Variants in ARHGAP18 observed in about 807,000 individuals in gnomAD.
The protein encoded by ARHGAP18 is Rho GTPase activating protein 18.
ARHGAP18 carries 67 observed loss-of-function variants against 86.2 expected under a neutral mutation model. The ratio of observed to expected loss-of-function variants is 0.78; its 90% CI spans 0.64 to 0.95. The LOEUF (loss-of-function observed/expected upper bound fraction) is 0.95, where lower values mean the gene tolerates loss of function less well. ARHGAP18 is among the 40% of genes least tolerant of loss of function. The probability of loss-of-function intolerance (pLI) is 0.00; values close to 1 mark genes in which losing one functional copy is unlikely to be tolerated. For missense variants in ARHGAP18, 691 were observed against 780.4 expected (o/e 0.89, Z 1.37); for synonymous variants, 283 against 280.4 (o/e 1.01, Z -0.09).
rs1014248166 is a variant in ARHGAP18, at chr6:129,659,445, G to T, written c.114-17427C>A. On this transcript the variant is annotated intron_variant, in intron 1 of 14. Transcript: ENST00000368149. ...CGCAGGTGTACTTCAGACAAGATAGGCCTAGAATTTTTTTTATTTTATTTT... is the reference window on the plus strand; with the variant it reads ...CGCAGGTGTACTTCAGACAAGATAGTCCTAGAATTTTTTTTATTTTATTTT... Among the ~76,000 whole-genome samples the T allele has an allele frequency of 5.4e-5, 8 of 149,262 alleles. No homozygotes were observed. The Admixed American group carries it at 5.4e-4, about 10-fold the overall frequency.
chr6:129,611,357 GC>G (rs1291925574), intron 8 of ARHGAP18, among the ~76,000 whole-genome samples, 175 bp downstream of exon 8: 1 of 152,096 alleles, frequency 6.6e-6, no homozygotes, highest in Non-Finnish European at 1.5e-5. Context: ...AAAAAACTTA[GC>G]AAAAACCAGA....
intron 1 of ARHGAP18, among the ~76,000 whole-genome samples, chr6:129,644,979 T>C (rs1392263036): frequency 2.0e-5 from 3 of 152,210 alleles, no homozygotes; most frequent in African/African-American, 4.8e-5. Context: ...TACTGAGTCA[T>C]GGAAAAGAGG....
Position 129,629,348 on chromosome 6 carries a change from C to T in ARHGAP18, c.786+5G>A, listed in dbSNP as rs868187679. 1.1e-5 allele frequency: 17 copies of T among 1,611,430 alleles called. No individual in the cohort carries two copies. Among genetic ancestry groups the T allele is most frequent in the Admixed American group, 1.7e-5 (1 of 59,812 alleles). The stretch of plus-strand genomic sequence containing the variant: ...ATGTATATTTATAAAGAGTGTACTA[C>T]GTACAGGTAATGTGGCATCATCGCC... On this transcript the variant is annotated splice_donor_5th_base_variant and intron_variant, in intron 5 of 14. Transcript: ENST00000368149.
At chr6:129,623,083 T>C (rs1789267141) in intron 5 of ARHGAP18, among the ~76,000 whole-genome samples, 1 of 151,094 alleles carries the variant, frequency 6.6e-6, no homozygotes, top group Admixed American at 6.6e-5. Context: ...TTGATTCCCT[T>C]GTGTTACCAT....
rs755626500 is a variant in ARHGAP18, at chr6:129,599,215, C to T, written c.1713+1G>A. 1 of 1,538,474 alleles carries T rather than the reference C, an allele frequency of 6.5e-7. No individual in the cohort carries two copies. ...AATACATATCTCCACTATTTTCTTA[C>T]ATCATTTGTACTCTTATCTTGCTTT... On this transcript the variant is annotated splice_donor_variant, in intron 12 of 14. Transcript: ENST00000368149. LOFTEE classifies it high-confidence loss of function.
chr6:129,628,727 T>C (rs1773098259), intron 5 of ARHGAP18, among the ~76,000 whole-genome samples: 1 of 152,076 alleles, frequency 6.6e-6, no homozygotes. Context: ...TTTGATAATA[T>C]TGAAGAAAAG....
At chr6:129,607,729 A>G (rs1281371970) in intron 9 of ARHGAP18, among the ~76,000 whole-genome samples, 164 bp downstream of exon 9, 1 of 152,184 alleles carries the variant, frequency 6.6e-6, no homozygotes, top group African/African-American at 2.4e-5. Flanking sequence ...TTATAAGAAA[A>G]ACAGAAAACA....
chr6:129,685,750 CT>C (rs34040911), intron 1 of ARHGAP18, among the ~76,000 whole-genome samples: 28,390 of 149,782 alleles, frequency 0.19, 2,850 homozygotes, highest in South Asian at 0.31. Context: ...TACAAGGCAG[CT>C]TTTTTTTTTC....
chr6:129,660,299 A>G (rs1359235299), intron 1 of ARHGAP18, among the ~76,000 whole-genome samples: 1 of 152,248 alleles, frequency 6.6e-6, no homozygotes, highest in Non-Finnish European at 1.5e-5. Flanking sequence ...CTGAGCGATG[A>G]TAAGGTCCTG....
chr6:129,585,947 C>G (rs937170933), intron 12 of ARHGAP18, among the ~76,000 whole-genome samples: 2 of 152,192 alleles, frequency 1.3e-5, no homozygotes, highest in Non-Finnish European at 2.9e-5. Flanking sequence ...CAGTCTATGA[C>G]CTTGACCTCA....
intron 1 of ARHGAP18, among the ~76,000 whole-genome samples, chr6:129,665,018 G>A (rs2114522262): frequency 6.6e-6 from 1 of 152,240 alleles, no homozygotes; most frequent in Middle Eastern, 3.4e-3. Context: ...TTGAAAATTT[G>A]ATGATGTGAG....
intron 5 of ARHGAP18, among the ~76,000 whole-genome samples, chr6:129,626,308 T>G (rs1414032857): frequency 4.0e-5 from 6 of 151,706 alleles, no homozygotes; most frequent in African/African-American, 1.5e-4. Context: ...AAACTGTGCA[T>G]AGTGAGCTAC....
chr6:129,637,792 G>A (rs1341556445), intron 3 of ARHGAP18, among the ~76,000 whole-genome samples: 1 of 152,178 alleles, frequency 6.6e-6, no homozygotes, highest in Non-Finnish European at 1.5e-5. Context: ...TAGCACTGGA[G>A]TCTCTCTGAA....
chr6:129,596,757 C>T (rs1234873481), intron 12 of ARHGAP18: 1 of 152,060 alleles, frequency 6.6e-6, no homozygotes, highest in Non-Finnish European at 1.5e-5. Flanking sequence ...ACTACAGCAA[C>T]CAGACAGAAT....
At chr6:129,601,754 G>A (rs13209760) in intron 10 of ARHGAP18, among the ~76,000 whole-genome samples, 14,928 of 151,578 alleles carry the variant, frequency 0.098, 925 homozygotes, top group Middle Eastern at 0.18. Context: ...AGTCTCCAGA[G>A]TAGCTGGGAC....
chr6:129,631,163 G>GA (rs978892723), intron 4 of ARHGAP18, among the ~76,000 whole-genome samples: 2 of 151,924 alleles, frequency 1.3e-5, no homozygotes, highest in African/African-American at 4.8e-5. Flanking sequence ...ATTCTAAGAG[G>GA]AAAAAAATGA....
intron 1 of ARHGAP18, among the ~76,000 whole-genome samples, chr6:129,649,553 CAAA>C (rs35700328): frequency 3.4e-4 from 17 of 49,998 alleles, no homozygotes; most frequent in African/African-American, 8.7e-4. Context: ...TCTCTGTCTC[CAAA>C]AAAAAAAAAA....
intron 1 of ARHGAP18, among the ~76,000 whole-genome samples, chr6:129,686,889 C>G (rs962957347): frequency 6.8e-5 from 10 of 147,880 alleles, no homozygotes; most frequent in Non-Finnish European, 1.5e-4. Flanking sequence ...CTCCTAGGTT[C>G]AAGCGATCCT....
intron 1 of ARHGAP18, among the ~76,000 whole-genome samples, chr6:129,680,759 C>T (rs929898011): frequency 6.6e-6 from 1 of 152,198 alleles, no homozygotes; most frequent in Admixed American, 6.5e-5. Flanking sequence ...CTTATAGTTG[C>T]TTTTCCTTAA....
Sources: allele counts gnomAD v4.1 joint callset (sites outside exome capture counted in the v4.1 genomes callset), GRCh38; gene constraint gnomAD v4.1.1; transcripts MANE v1.5; gene names NCBI Gene and HGNC (gene_info 2026-07-23, HGNC 2026-07-21).